Variants in ZNF518B observed in about 807,000 individuals in gnomAD.
ZNF518B encodes the protein zinc finger protein 518B.
ZNF518B carries 23 observed loss-of-function variants against 56.3 expected under a neutral mutation model. The ratio of observed to expected loss-of-function variants is 0.41; its 90% CI spans 0.29 to 0.58. The LOEUF (loss-of-function observed/expected upper bound fraction) is 0.58. Ranked by LOEUF, ZNF518B falls within the 20% of genes least tolerant of loss-of-function variation. The probability of loss-of-function intolerance (pLI) is 0.32; values close to 1 mark genes in which losing one functional copy is unlikely to be tolerated. For missense variants in ZNF518B, 1,460 were observed against 1,272.1 expected, an observed-to-expected ratio of 1.15 and a Z score of -2.25; for synonymous variants, 529 against 465.9, an observed-to-expected ratio of 1.14 and a Z score of -1.74.
At chr4:10,447,893 C>A (rs1452134067) in intron 2 of ZNF518B, among the ~76,000 whole-genome samples, 1 of 152,146 alleles carries the variant, frequency 6.6e-6, no homozygotes, top group Non-Finnish European at 1.5e-5. Context: ...AGGTGATCTG[C>A]CTGCCTCAGC....
chr4:10,458,557 TAGC>T (rs1174076735), upstream of ZNF518B, among the ~76,000 whole-genome samples: 3 of 152,086 alleles, frequency 2.0e-5, no homozygotes, highest in Non-Finnish European at 2.9e-5. Flanking sequence ...GCAGAGAAAA[TAGC>T]AGCCCAGAGA....
chr4:10,444,461 C>T lies in ZNF518B; in HGVS notation c.1868G>A (p.Arg623Lys), dbSNP rs1388924490. 2 of 1,614,140 alleles carry T rather than the reference C, an allele frequency of 1.2e-6. No individual in the cohort carries two copies. The highest frequency in any genetic ancestry group is 2.2e-5 in the East Asian group (1 of 44,882). Residue 623 changes from arginine (R) to lysine (K), a missense_variant, in exon 3 of 3, where the codon AGG becomes AAG. Transcript: ENST00000326756. ...DKPLELKNSE[R>K]TNNTNDGPVI... The stretch of plus-strand genomic sequence containing the variant: ...TGGGCCATCATTAGTGTTGTTAGTC[C>T]TTTCAGAATTCTTTAATTCCAAAGG...
At position 10,442,892 on chromosome 4, in the gene ZNF518B, T is replaced by C; in HGVS notation, c.*212A>G. 1.9e-6 allele frequency: 1 copy of C among 521,276 alleles called. No individual in the cohort carries two copies. The highest frequency in any genetic ancestry group is 1.9e-5 in the African/African-American group (1 of 52,938). The allele number at this position is 521,276 out of a possible 1,614,324, so 32.3% of individuals were successfully genotyped here. A position where few individuals can be genotyped will look rare whatever the true frequency, so the allele number is the denominator to read the frequency against. On this transcript the variant is annotated 3_prime_UTR_variant, in exon 3 of 3. Coordinates refer to ENST00000326756, the MANE Select transcript of ZNF518B (RefSeq NM_053042.3). ...CTCCAGAAAAATGCATATGTACCAA[T>C]TTGCATGTACAATTTCAGAGCCTTC...
rs1337218258 is a variant in ZNF518B at position 10,441,690 on chromosome 4, C to G, written c.*1414G>C. 6.6e-6 allele frequency: 1 copy of G among 152,322 alleles called. No individual in the cohort carries two copies. The highest frequency in any genetic ancestry group is 1.5e-5 in the Non-Finnish European group (1 of 68,050). 9.4% of individuals were successfully genotyped at this position (152,322 alleles called of 1,614,324 possible). On this transcript the variant is annotated 3_prime_UTR_variant, in exon 3 of 3. Transcript: ENST00000326756. ...ACTAGAATCCTGTCTTAAGCACTGA[C>G]CCAGCCACCTATCTGCCCAAGAGGC...
chr4:10,458,530 A>G (rs1178624274), upstream of ZNF518B, among the ~76,000 whole-genome samples: 1 of 152,142 alleles, frequency 6.6e-6, no homozygotes, highest in East Asian at 1.9e-4. Flanking sequence ...CTCCACCACT[A>G]AAGTATCAGG....
At chr4:10,453,148 C>A (rs1454274743) in intron 2 of ZNF518B, 1 of 152,202 alleles carries the variant, frequency 6.6e-6, no homozygotes, top group Non-Finnish European at 1.5e-5. Context: ...CTCATTTATA[C>A]AGCTGATGTG....
rs1026237693 is a variant in ZNF518B, at chr4:10,445,480, T to C, written c.849A>G (p.Glu283=). 2 of 1,614,236 alleles carry C rather than the reference T, an allele frequency of 1.2e-6. No individual in the cohort carries two copies. The highest frequency in any genetic ancestry group is 4.5e-5 in the East Asian group (2 of 44,892). The change falls in exon 3 of 3, where the codon GAA becomes GAG. Residue 283 remains glutamate, a synonymous_variant. Coordinates refer to ENST00000326756, the MANE Select transcript of ZNF518B (RefSeq NM_053042.3). ...GAATACAAACTACATCTTTTTGGTA[T>C]TCCTTTGGTTCAGGTAACAACATGA... is the stretch of plus-strand genomic sequence containing the variant. ...HNIMLLPEPK[E]YQKDVVCIPN... is the part of the protein sequence containing the mutation.
Position 10,456,500 on chromosome 4 carries a change from T to C in ZNF518B, c.-396+817A>G, listed in dbSNP as rs543876855. 3.5e-4 allele frequency among the ~76,000 whole-genome samples: 53 copies of C among 152,274 alleles called. No homozygotes were observed. The South Asian group carries it at 1.0e-2, about 29-fold the overall frequency. ...TTCACCATCTCTTCTCAACCTCCTA[T>C]GTCCTCGCCCCCCGTAAAAGATGCG... On this transcript the variant is annotated intron_variant, in intron 1 of 2. Coordinates refer to ENST00000326756, the MANE Select transcript of ZNF518B (RefSeq NM_053042.3).
Position 10,445,117 on chromosome 4 carries a change from C to G in ZNF518B, c.1212G>C (p.Lys404Asn). 1 of 1,614,152 alleles carries G rather than the reference C, an allele frequency of 6.2e-7. No individual in the cohort carries two copies. The highest frequency in any genetic ancestry group is 2.2e-5 in the East Asian group (1 of 44,886). The stretch of plus-strand genomic sequence containing the variant: ...CAACATTCCCGTCAACTGTCAGTGA[C>G]TTTGTTTTTTCTGCAGAAAGTACTT... Reference protein sequence around the residue: ...QEKVLSAEKTKSLTVDGNVGK... With the variant: ...QEKVLSAEKTNSLTVDGNVGK... Residue 404 changes from lysine to asparagine, a missense_variant, in exon 3 of 3, where the codon AAG becomes AAC. Transcript: ENST00000326756.
Position 10,440,177 on chromosome 4 carries a change from AG to A in ZNF518B, c.*2926del, listed in dbSNP as rs1321481308. ...GCTTGTGAGAAAATATATTTTGTTC[AG>A]TCTAGTTCAACAGACAGCAGGTGGC... On this transcript the variant is annotated 3_prime_UTR_variant, in exon 3 of 3. Coordinates refer to ENST00000326756, the MANE Select transcript of ZNF518B (RefSeq NM_053042.3). 6.6e-6 allele frequency: 1 copy of A among 152,330 alleles called. No individual in the cohort carries two copies. Among genetic ancestry groups the A allele is most frequent in the Non-Finnish European group, 1.5e-5 (1 of 68,030 alleles). 9.4% of individuals were successfully genotyped at this position (152,330 alleles called of 1,614,324 possible).
chr4:10,445,773 C>T lies in ZNF518B; in HGVS notation c.556G>A (p.Gly186Ser). 6.2e-7 allele frequency: 1 copy of T among 1,614,172 alleles called. No homozygotes were observed. The highest frequency in any genetic ancestry group is 8.5e-7 in the Non-Finnish European group (1 of 1,180,026). The change falls in exon 3 of 3, where the codon GGC (glycine) becomes AGC (serine). Residue 186 changes from glycine (G) to serine (S), a missense_variant. Physicochemically the swap from Gly to Ser is moderately conservative, Grantham distance 56. Coordinates refer to ENST00000326756, the MANE Select transcript of ZNF518B (RefSeq NM_053042.3). ...EFQRHLVKHT[G>S]IFPYQCEYCD... ...TACTCACACTGATAAGGAAATATGCCTGTGTGTTTCACCAAATGCCTCTGA... is the reference window on the plus strand; with the variant it reads ...TACTCACACTGATAAGGAAATATGCTTGTGTGTTTCACCAAATGCCTCTGA...
chr4:10,452,145 G>A (rs1715346291), intron 2 of ZNF518B: 2 of 152,200 alleles, frequency 1.3e-5, no homozygotes, highest in African/African-American at 4.8e-5. Context: ...TGCTGGGGCA[G>A]GGTATAGCTG....
chr4:10,454,015 T>C (rs1180269701), intron 2 of ZNF518B: 1 of 152,236 alleles, frequency 6.6e-6, no homozygotes, highest in Admixed American at 6.5e-5. Context: ...GTGGGGATAC[T>C]GGGATCTTTA....
upstream of ZNF518B, among the ~76,000 whole-genome samples, chr4:10,459,770 G>A (rs1256023184): frequency 1.3e-5 from 2 of 152,202 alleles, no homozygotes; most frequent in African/African-American, 2.4e-5. Flanking sequence ...GGAAAAGGCA[G>A]GGAGGATCCT....
chr4:10,447,854 G>C (rs1157311581), intron 2 of ZNF518B, among the ~76,000 whole-genome samples: 1 of 152,002 alleles, frequency 6.6e-6, no homozygotes. Context: ...TCTCCATGTT[G>C]GCCAGGCTGG....
In ZNF518B at chr4:10,443,186, T is replaced by C; in HGVS notation, c.3143A>G (p.Gln1048Arg). Reference protein sequence around the residue: ...CWFCGRLYEDQEEWMSHGQRH... With the variant: ...CWFCGRLYEDREEWMSHGQRH... The stretch of plus-strand genomic sequence containing the variant: ...TTGGCCATGACTCATCCACTCTTCC[T>C]GGTCTTCATACAGTCGCCCACAAAA... Residue 1048 changes from glutamine (Q) to arginine (R), a missense_variant, in exon 3 of 3, where the codon CAG becomes CGG. By Grantham distance (43) the Gln-to-Arg change is conservative. Coordinates refer to ENST00000326756, the MANE Select transcript of ZNF518B (RefSeq NM_053042.3). 6.2e-7 allele frequency: 1 copy of C among 1,614,248 alleles called. No homozygotes were observed. Among genetic ancestry groups the C allele is most frequent in the Non-Finnish European group, 8.5e-7 (1 of 1,180,038 alleles).
chr4:10,443,865 C>T lies in ZNF518B; in HGVS notation c.2464G>A (p.Asp822Asn). 1.9e-6 allele frequency: 3 copies of T among 1,614,202 alleles called. No homozygotes were observed. The highest frequency in any genetic ancestry group is 2.5e-6 in the Non-Finnish European group (3 of 1,180,028). The change falls in exon 3 of 3, where the codon GAC becomes AAC. Residue 822 changes from aspartate to asparagine, a missense_variant. By Grantham distance (23) the Asp-to-Asn change is conservative. Transcript: ENST00000326756. ...PFCPVRQADS[D>N]LQPLRSERGP... Reference sequence around the variant, plus strand: ...CTTTCACTTCTTAAAGGCTGTAAGTCTGAGTCCGCCTGTCTCACAGGGCAA... The same window carrying T: ...CTTTCACTTCTTAAAGGCTGTAAGTTTGAGTCCGCCTGTCTCACAGGGCAA...
upstream of ZNF518B, among the ~76,000 whole-genome samples, chr4:10,458,973 A>T (rs1035521853): frequency 6.6e-6 from 1 of 152,208 alleles, no homozygotes; most frequent in African/African-American, 2.4e-5. Flanking sequence ...TGCCCTCTTA[A>T]GTCACACAGA....
rs1465993590 is a variant in ZNF518B at position 10,445,519 on chromosome 4, G to A, written c.810C>T (p.Asp270=). The A allele has an allele frequency of 6.2e-7, 1 of 1,614,032 alleles. No homozygotes were observed. Among genetic ancestry groups the A allele is most frequent in the African/African-American group, 1.3e-5 (1 of 74,916 alleles). The part of the protein sequence containing the change: ...LSGFSLHANK[D]KMHNIMLLPE... ...GTAACAACATGATATTGTGCATTTT[G>A]TCTTTATTTGCATGGAGAGAGAAAC... The change falls in exon 3 of 3, where the codon GAC becomes GAT. Residue 270 remains aspartate, a synonymous_variant. Transcript: ENST00000326756.
Sources: gnomAD v4.1 joint callset for allele counts (sites outside exome capture counted in the v4.1 genomes callset) on GRCh38, gnomAD v4.1.1 for gene constraint, MANE v1.5 for transcripts, NCBI Gene and HGNC (gene_info 2026-07-23, HGNC 2026-07-21) for gene names.